Variants in RBFOX3 observed in about 807,000 individuals in gnomAD.
RBFOX3 encodes the protein RNA binding protein fox-1 homolog 3.
A neutral mutation model predicts 48.7 loss-of-function variants in RBFOX3; 17 were observed. That is an observed-to-expected ratio of 0.35 (90% CI 0.24 to 0.52). The LOEUF is 0.52. RBFOX3 is among the 20% of genes least tolerant of loss of function. The pLI, the probability that RBFOX3 is intolerant of heterozygous loss-of-function variation, is 0.94. For synonymous variants in RBFOX3, 212 were observed against 209.5 expected, an observed-to-expected ratio of 1.01 and a Z score of -0.10; for missense variants, 382 against 497.5, an observed-to-expected ratio of 0.77 and a Z score of 2.21.
In RBFOX3 at chr17:79,392,198, C is replaced by T. The variant is rs974509247; in HGVS notation, c.-174-84374G>A. ...AAAGAAAACTGGGGCAGCCTCCTCA[C>T]CCCCGTCTCTTTTCTCAGTGGTTAG... On this transcript the variant is annotated intron_variant, in intron 2 of 14. Transcript: ENST00000693108. This position sits in a 1 kb window ranked among gnomAD's most constrained non-coding sequence, Gnocchi z 5.0. Among the ~76,000 whole-genome samples, 1 of 152,196 alleles carries T rather than the reference C, an allele frequency of 6.6e-6. No homozygotes were observed. Among genetic ancestry groups the T allele is most frequent in the Admixed American group, 6.5e-5 (1 of 15,282 alleles).
At chr17:79,636,360 G>A in the RBFOX3 span, among the ~76,000 whole-genome samples, 5 of 152,012 alleles carry the variant, frequency 3.3e-5, no homozygotes, top group Non-Finnish European at 5.9e-5. Flanking sequence ...TTACTGCTGG[G>A]CCATGGGAAT....
chr17:79,356,820 T>G (rs2085236185), intron 2 of RBFOX3, among the ~76,000 whole-genome samples: 1 of 152,266 alleles, frequency 6.6e-6, no homozygotes, highest in East Asian at 1.9e-4. Context: ...AAGTCAGTTT[T>G]CACCTTGCAG....
intron 4 of RBFOX3, among the ~76,000 whole-genome samples, chr17:79,116,512 T>C (rs887427227): frequency 5.3e-5 from 8 of 152,210 alleles, no homozygotes; most frequent in African/African-American, 1.7e-4. Flanking sequence ...CGAAACTTCA[T>C]CTTCAAATAA....
intron 4 of RBFOX3, among the ~76,000 whole-genome samples, chr17:79,178,578 C>T (rs1318757568): frequency 6.6e-6 from 1 of 152,210 alleles, no homozygotes; most frequent in East Asian, 1.9e-4. Flanking sequence ...GTTTCTCCAA[C>T]TGAAAACATG....
intron 4 of RBFOX3, among the ~76,000 whole-genome samples, chr17:79,226,567 G>C (rs2060332866): frequency 6.6e-6 from 1 of 152,232 alleles, no homozygotes; most frequent in Non-Finnish European, 1.5e-5. Context: ...GCATCACCCT[G>C]TGGAGCAGGA....
chr17:79,434,662 G>A lies in RBFOX3; in HGVS notation c.-175+47792C>T, dbSNP rs148374361. Among the ~76,000 whole-genome samples, 501 of 152,286 alleles carry A rather than the reference G, an allele frequency of 3.3e-3. 2 individuals carry two copies. The highest frequency in any genetic ancestry group is 0.02 in the Middle Eastern group (6 of 294). On this transcript the variant is annotated intron_variant, in intron 2 of 14. Coordinates refer to ENST00000693108, the MANE Select transcript of RBFOX3 (RefSeq NM_001350451.2). ...GAGTTGCATCTAGCTGTGTGATTTT[G>A]TATAGGGGATTTAGCCAAGGGAGCA...
intron 2 of RBFOX3, among the ~76,000 whole-genome samples, chr17:79,430,889 A>C (rs1348994090): frequency 6.6e-6 from 1 of 152,216 alleles, no homozygotes; most frequent in African/African-American, 2.4e-5. Flanking sequence ...AGACTGTCAT[A>C]AGATCACTGG....
At chr17:79,116,906 T>C (rs1462675239) in intron 4 of RBFOX3, among the ~76,000 whole-genome samples, 3 of 152,222 alleles carry the variant, frequency 2.0e-5, no homozygotes, top group African/African-American at 7.2e-5. Context: ...AGCTTTTTGG[T>C]GGGCAATGCG....
intron 3 of RBFOX3, among the ~76,000 whole-genome samples, chr17:79,240,987 T>A (rs914233088): frequency 5.5e-5 from 4 of 73,378 alleles, no homozygotes; most frequent in Admixed American, 1.6e-4. Context: ...TAAAAAAAAA[T>A]TTTTTTTGAG....
At chr17:79,554,185 T>G (rs1447285329) in intron 1 of RBFOX3, among the ~76,000 whole-genome samples, 1 of 152,246 alleles carries the variant, frequency 6.6e-6, no homozygotes, top group Non-Finnish European at 1.5e-5. Flanking sequence ...TTTTCTTCAG[T>G]GCATTATTTT....
intron 3 of RBFOX3, among the ~76,000 whole-genome samples, chr17:79,268,311 C>G (rs2067078622): frequency 6.6e-6 from 1 of 152,158 alleles, no homozygotes; most frequent in Non-Finnish European, 1.5e-5. Context: ...CCTCCCATTT[C>G]ATTCCAGAAA....
chr17:79,449,735 G>A (rs2073102717), intron 2 of RBFOX3, among the ~76,000 whole-genome samples: 1 of 151,896 alleles, frequency 6.6e-6, no homozygotes, highest in African/African-American at 2.4e-5. Flanking sequence ...GGTGACCCCA[G>A]CTCTGGGGGC....
At chr17:79,383,258 T>C (rs2060158705) in intron 2 of RBFOX3, among the ~76,000 whole-genome samples, 1 of 152,218 alleles carries the variant, frequency 6.6e-6, no homozygotes, top group East Asian at 1.9e-4. Context: ...TCACCCAGGT[T>C]GTCCGGCCTC....
chr17:79,272,063 TGA>T (rs1440787555), intron 3 of RBFOX3, among the ~76,000 whole-genome samples: 2 of 152,200 alleles, frequency 1.3e-5, no homozygotes, highest in East Asian at 3.8e-4. Context: ...ACGCCGAGGC[TGA>T]GAGACGACGG....
intron 14 of RBFOX3, 82 bp from the exon 15 acceptor site, chr17:79,090,967 C>CG (rs940814695): frequency 1.4e-6 from 2 of 1,384,416 alleles, no homozygotes; most frequent in African/African-American, 3.0e-5. Context: ...CCACGTGGCA[C>CG]GGGGCCCCTG....
At position 79,390,818 on chromosome 17, in the gene RBFOX3, G is replaced by A. The variant is rs1306504352; in HGVS notation, c.-174-82994C>T. On this transcript the variant is annotated intron_variant, in intron 2 of 14. Coordinates refer to ENST00000693108, the MANE Select transcript of RBFOX3 (RefSeq NM_001350451.2). The surrounding 1 kb of genome is among the most constrained non-coding windows in gnomAD (Gnocchi z 4.2). ...GTGGGAAACTGGAGGAGCGCATGGAGCATCTGAGAGTTGAGGCAGCGGAAC... is the reference window on the plus strand; with the variant it reads ...GTGGGAAACTGGAGGAGCGCATGGAACATCTGAGAGTTGAGGCAGCGGAAC... 6.6e-6 allele frequency among the ~76,000 whole-genome samples: 1 copy of A among 152,196 alleles called. No individual in the cohort carries two copies. Among genetic ancestry groups the A allele is most frequent in the Non-Finnish European group, 1.5e-5 (1 of 68,032 alleles).
At chr17:79,261,584 A>C (rs997550416) in intron 3 of RBFOX3, among the ~76,000 whole-genome samples, 1 of 152,184 alleles carries the variant, frequency 6.6e-6, no homozygotes, top group Non-Finnish European at 1.5e-5. Context: ...GTGCAGAGTC[A>C]ATGATGCGGC....
intron 5 of RBFOX3, among the ~76,000 whole-genome samples, chr17:79,109,710 TC>T (rs1423403258): frequency 6.6e-6 from 1 of 152,114 alleles, no homozygotes; most frequent in East Asian, 1.9e-4. Flanking sequence ...GACTGAGTCA[TC>T]CCAGATTCAG....
chr17:79,655,232 T>TCC, the RBFOX3 span, among the ~76,000 whole-genome samples: 1 of 152,104 alleles, frequency 6.6e-6, no homozygotes, highest in South Asian at 2.1e-4. Context: ...CTGACCTAAG[T>TCC]CCGCAGGGGG....
Sources: gnomAD v4.1 joint callset for allele counts (sites outside exome capture counted in the v4.1 genomes callset) on GRCh38, gnomAD v4.1.1 for gene constraint, Gnocchi (gnomAD v3.1) non-coding constraint, MANE v1.5 for transcripts, NCBI Gene and HGNC (gene_info 2026-07-23, HGNC 2026-07-21) for gene names.